CENPP: variants seen among roughly 807,000 people sequenced by gnomAD.
CENPP encodes the protein centromere protein P.
CENPP carries 24 observed loss-of-function variants against 35.6 expected under a neutral mutation model. The ratio of observed to expected loss-of-function variants is 0.67; its 90% CI spans 0.49 to 0.95. CENPP has a LOEUF of 0.95. CENPP is among the 40% of genes least tolerant of loss of function. The pLI, the probability that CENPP is intolerant of heterozygous loss-of-function variation, is 0.00. For synonymous variants in CENPP, 120 were observed against 125.5 expected, an observed-to-expected ratio of 0.96 and a Z score of 0.29; for missense variants, 332 against 345.3, an observed-to-expected ratio of 0.96 and a Z score of 0.31.
chr9:92,362,955 A>G (rs1841796748), intron 4 of CENPP, among the ~76,000 whole-genome samples: 1 of 152,146 alleles, frequency 6.6e-6, no homozygotes, highest in Non-Finnish European at 1.5e-5. Flanking sequence ...ATCAGAGGGA[A>G]TCTCTTTAAG....
chr9:92,470,507 T>A (rs1450108222), intron 5 of CENPP, among the ~76,000 whole-genome samples: 1 of 152,236 alleles, frequency 6.6e-6, no homozygotes, highest in African/African-American at 2.4e-5. Context: ...TTGAATGAAA[T>A]CTATAATTTT....
In CENPP at chr9:92,615,953, T is replaced by C. The variant is rs1588325474; in HGVS notation, c.*2804T>C. ...GTTGACGATCTTGCCGTCCAGTTTA[T>C]ACTGATGGGGAATGCTCTCGTAGGG... On this transcript the variant is annotated 3_prime_UTR_variant, in exon 8 of 8. Transcript: ENST00000375587. The C allele has an allele frequency of 1.2e-6, 2 of 1,614,130 alleles. No individual in the cohort carries two copies. Among genetic ancestry groups the C allele is most frequent in the Non-Finnish European group, 1.7e-6 (2 of 1,180,006 alleles).
intron 5 of CENPP, among the ~76,000 whole-genome samples, chr9:92,609,816 C>T (rs998333625): frequency 1.3e-5 from 2 of 152,166 alleles, no homozygotes; most frequent in African/African-American, 4.8e-5. Flanking sequence ...TCTCGGCTCA[C>T]TGCAGCCTCC....
chr9:92,573,259 G>A (rs1357095748), intron 5 of CENPP, among the ~76,000 whole-genome samples: 2 of 152,198 alleles, frequency 1.3e-5, no homozygotes, highest in Non-Finnish European at 2.9e-5. Flanking sequence ...TGATGATGGT[G>A]ACGTACAGAT....
In CENPP at chr9:92,614,571, C is replaced by G. The variant is rs1237451014; in HGVS notation, c.*1422C>G. The G allele has an allele frequency of 6.6e-6, 1 of 152,620 alleles. No individual in the cohort carries two copies. The highest frequency in any genetic ancestry group is 1.5e-5 in the Non-Finnish European group (1 of 68,034). 9.5% of individuals were successfully genotyped at this position (152,620 alleles called of 1,614,324 possible). A position where few individuals can be genotyped will look rare whatever the true frequency, so the allele number is the denominator to read the frequency against. On this transcript the variant is annotated 3_prime_UTR_variant, in exon 8 of 8. Transcript: ENST00000375587. ...TCTAGAAGAGTTGCCTTGATTCAAACAAGTATAATTCTCAAGTTATCACAA... is the reference window on the plus strand; with the variant it reads ...TCTAGAAGAGTTGCCTTGATTCAAAGAAGTATAATTCTCAAGTTATCACAA...
intron 5 of CENPP, among the ~76,000 whole-genome samples, chr9:92,591,538 ACGG>A (rs1317794934): frequency 6.6e-6 from 1 of 151,632 alleles, no homozygotes; most frequent in East Asian, 1.9e-4. Context: ...ACTTCCCAAA[ACGG>A]CATTCCAGAT....
chr9:92,399,790 T>A (rs1843034750), intron 5 of CENPP, among the ~76,000 whole-genome samples: 1 of 152,218 alleles, frequency 6.6e-6, no homozygotes, highest in East Asian at 1.9e-4. Flanking sequence ...TTGGTACCTT[T>A]AGTATGTACT....
intron 4 of CENPP, among the ~76,000 whole-genome samples, chr9:92,374,872 AG>A (rs1842089515): frequency 6.6e-6 from 1 of 152,102 alleles, no homozygotes; most frequent in Admixed American, 6.5e-5. Context: ...ATTTTTTTGT[AG>A]GTCAAGTCTA....
In CENPP at chr9:92,370,574, G is replaced by A. The variant is rs548076424; in HGVS notation, c.468-9189G>A. ...TGGCTCACTGCAACCTCCGCTTTCCGGGTTCAAGCGATTCTCCTGCCTCAG... is the reference window on the plus strand; with the variant it reads ...TGGCTCACTGCAACCTCCGCTTTCCAGGTTCAAGCGATTCTCCTGCCTCAG... On this transcript the variant is annotated intron_variant, in intron 4 of 7. Coordinates refer to ENST00000375587, the MANE Select transcript of CENPP (RefSeq NM_001012267.3). 3.3e-5 allele frequency among the ~76,000 whole-genome samples: 5 copies of A among 152,120 alleles called. No homozygotes were observed. In the South Asian group the frequency reaches 6.2e-4, roughly 19 times the overall value.
intron 5 of CENPP, among the ~76,000 whole-genome samples, chr9:92,567,383 T>TATATATATATATAGATATAG: frequency 1.1e-5 from 1 of 94,622 alleles, no homozygotes; most frequent in South Asian, 2.7e-4. Flanking sequence ...GATATATATA[T>TATATATATATATAGATATAG]ATATATATAT....
chr9:92,521,558 T>C (rs1848072214), intron 5 of CENPP, among the ~76,000 whole-genome samples: 1 of 152,190 alleles, frequency 6.6e-6, no homozygotes, highest in Non-Finnish European at 1.5e-5. Context: ...GAACATTATA[T>C]GGTGATATTT....
chr9:92,527,238 T>G (rs1298082267), intron 5 of CENPP, among the ~76,000 whole-genome samples: 1 of 152,184 alleles, frequency 6.6e-6, no homozygotes, highest in Non-Finnish European at 1.5e-5. Context: ...CTCAAACTCC[T>G]GAGCTCAAGT....
chr9:92,412,667 T>A (rs1843476463), intron 5 of CENPP, among the ~76,000 whole-genome samples: 1 of 152,226 alleles, frequency 6.6e-6, no homozygotes, highest in Admixed American at 6.5e-5. Context: ...AGGTTATCCA[T>A]GTTGTAGCAT....
chr9:92,516,070 T>C lies in CENPP; in HGVS notation c.565-95244T>C, dbSNP rs183515788. ...ACTGATTTCACAGTGCATACTTTTT[T>C]TTCCCCCCCCCGAGACGGAGTCTTG... On this transcript the variant is annotated intron_variant, in intron 5 of 7. Coordinates refer to ENST00000375587, the MANE Select transcript of CENPP (RefSeq NM_001012267.3). 4.2e-3 allele frequency among the ~76,000 whole-genome samples: 593 copies of C among 141,848 alleles called. 13 individuals carry two copies. Among genetic ancestry groups the C allele is most frequent in the Non-Finnish European group, 8.8e-4 (55 of 62,760 alleles). The allele number at this position is 141,848 out of a possible 152,430, so 93.1% of individuals were successfully genotyped here.
intron 5 of CENPP, among the ~76,000 whole-genome samples, chr9:92,395,093 T>C (rs1286045446): frequency 6.6e-6 from 1 of 152,068 alleles, no homozygotes; most frequent in Non-Finnish European, 1.5e-5. Flanking sequence ...GTACAACATA[T>C]ACGATTTTTA....
chr9:92,446,788 G>A (rs1212495436), intron 5 of CENPP, among the ~76,000 whole-genome samples: 1 of 144,942 alleles, frequency 6.9e-6, no homozygotes, highest in Non-Finnish European at 1.5e-5. Context: ...ACCAAGCTGG[G>A]CAACAGAGTG....
At chr9:92,525,763 GC>G (rs1848357268) in intron 5 of CENPP, among the ~76,000 whole-genome samples, 1 of 151,786 alleles carries the variant, frequency 6.6e-6, no homozygotes, top group Non-Finnish European at 1.5e-5. Flanking sequence ...GGTGGTGCAC[GC>G]CTGTAATCCC....
intron 5 of CENPP, among the ~76,000 whole-genome samples, chr9:92,560,181 C>T (rs79066306): frequency 2.0e-5 from 3 of 152,180 alleles, no homozygotes; most frequent in East Asian, 3.9e-4. Context: ...AACAGAAAAA[C>T]GTAATCCGTC....
At chr9:92,491,556 G>A (rs559014914) in intron 5 of CENPP, among the ~76,000 whole-genome samples, 37 of 152,098 alleles carry the variant, frequency 2.4e-4, no homozygotes, top group African/African-American at 8.2e-4. Context: ...ATACCTTCCC[G>A]TCTTTACTGT....
Sources: gnomAD v4.1 joint callset for allele counts (sites outside exome capture counted in the v4.1 genomes callset) on GRCh38, gnomAD v4.1.1 for gene constraint, MANE v1.5 for transcripts, NCBI Gene and HGNC (gene_info 2026-07-23, HGNC 2026-07-21) for gene names.